SGK3: variants seen among roughly 807,000 people sequenced by gnomAD.
The protein encoded by SGK3 is serum/glucocorticoid regulated kinase family member 3, also known as serine/threonine-protein kinase Sgk3.
SGK3 carries 47 observed loss-of-function variants against 68.5 expected under a neutral mutation model. The ratio of observed to expected loss-of-function variants is 0.69; its 90% confidence interval spans 0.54 to 0.87. The LOEUF is 0.87. Ranked by LOEUF, SGK3 falls within the 40% of genes least tolerant of loss-of-function variation. The probability of loss-of-function intolerance (pLI) is 0.00; values close to 1 mark genes in which losing one functional copy is unlikely to be tolerated. For missense variants in SGK3, 479 were observed against 575.5 expected, an observed-to-expected ratio of 0.83 and a Z score of 1.72; for synonymous variants, 181 against 189.1, an observed-to-expected ratio of 0.96 and a Z score of 0.35.
Position 66,850,939 on chromosome 8 carries a change from C to G in SGK3, c.1320+19C>G. The G allele has an allele frequency of 6.3e-7, 1 of 1,586,288 alleles. No individual in the cohort carries two copies. The highest frequency in any genetic ancestry group is 8.6e-7 in the Non-Finnish European group (1 of 1,167,684). The stretch of plus-strand genomic sequence containing the variant: ...TAATGTGGTAAGTATATATCCAAAT[C>G]TTTCTTTCTAGAATCGTGAAACTTA... On this transcript the variant is annotated intron_variant, in intron 16 of 16. Transcript: ENST00000521198.
Position 66,859,585 on chromosome 8 carries a change from G to A in SGK3, c.*4G>A, listed in dbSNP as rs778518003. ...TTCAGAAGACTTATTTTTGTGAGCA[G>A]TTTGCCATTCAGAAACCATTGAGCA... On this transcript the variant is annotated 3_prime_UTR_variant, in exon 17 of 17. Coordinates refer to ENST00000521198, the MANE Select transcript of SGK3 (RefSeq NM_001033578.3). 1.9e-6 allele frequency: 3 copies of A among 1,605,642 alleles called. No individual in the cohort carries two copies. The South Asian group carries it at 3.3e-5, about 18-fold the overall frequency.
intron 1 of SGK3, among the ~76,000 whole-genome samples, chr8:66,751,045 A>G (rs1437852416): frequency 6.6e-6 from 1 of 151,388 alleles, no homozygotes; most frequent in East Asian, 1.9e-4. Flanking sequence ...TACGCCTGTA[A>G]TCCCAGCACT....
chr8:66,755,579 G>C (rs1805951242), intron 1 of SGK3, among the ~76,000 whole-genome samples: 1 of 151,814 alleles, frequency 6.6e-6, no homozygotes, highest in Non-Finnish European at 1.5e-5. Context: ...AATCCTTCCT[G>C]GTGGTCTTGC....
chr8:66,767,884 A>C (rs1806372793), intron 1 of SGK3: 2 of 1,267,424 alleles, frequency 1.6e-6, no homozygotes, highest in East Asian at 4.6e-5. Flanking sequence ...TGATATTGAA[A>C]CTTGAGATCT....
At position 66,793,825 on chromosome 8, in the gene SGK3, G is replaced by C. The variant is rs777299349; in HGVS notation, c.89G>C (p.Arg30Thr). ...SSDEHREKKKRFTVYKVLVSV... is the reference protein window; with the variant it reads ...SSDEHREKKKTFTVYKVLVSV... Reference sequence around the variant, plus strand: ...GATGAACACAGAGAGAAAAAGAAGAGGTTTACTGTAAGTATTTAACATAAA... The same window carrying C: ...GATGAACACAGAGAGAAAAAGAAGACGTTTACTGTAAGTATTTAACATAAA... Residue 30 changes from arginine to threonine, a missense_variant, in exon 2 of 17, where the codon AGG becomes ACG. Transcript: ENST00000521198. 6.2e-7 allele frequency: 1 copy of C among 1,611,880 alleles called. No homozygotes were observed. Among genetic ancestry groups the C allele is most frequent in the Admixed American group, 1.7e-5 (1 of 59,916 alleles).
chr8:66,811,099 C>T (rs962087279), intron 4 of SGK3, among the ~76,000 whole-genome samples: 2 of 152,160 alleles, frequency 1.3e-5, no homozygotes, highest in Non-Finnish European at 2.9e-5. Flanking sequence ...TCACTGCAAC[C>T]TCTGCCTCCC....
At chr8:66,843,199 C>T (rs991425789) in intron 13 of SGK3, among the ~76,000 whole-genome samples, 23 of 152,140 alleles carry the variant, frequency 1.5e-4, no homozygotes, top group Admixed American at 8.5e-4. Context: ...TCTACCTTCG[C>T]GATACTCTTA....
chr8:66,733,291 G>A (rs1190576235), intron 1 of SGK3, among the ~76,000 whole-genome samples: 1 of 152,156 alleles, frequency 6.6e-6, no homozygotes, highest in Admixed American at 6.5e-5. Flanking sequence ...TCTACTTCTG[G>A]GAGGGAAATT....
chr8:66,764,421 A>C (rs1298811690), intron 1 of SGK3, among the ~76,000 whole-genome samples: 1 of 152,132 alleles, frequency 6.6e-6, no homozygotes, highest in Non-Finnish European at 1.5e-5. Context: ...TCTCTAAATA[A>C]TAAAATTATA....
chr8:66,796,453 C>T (rs1335649404), intron 2 of SGK3, among the ~76,000 whole-genome samples: 1 of 149,308 alleles, frequency 6.7e-6, no homozygotes, highest in Non-Finnish European at 1.5e-5. Flanking sequence ...GCATGAGCCA[C>T]CACACCCAGC....
intron 10 of SGK3, among the ~76,000 whole-genome samples, chr8:66,838,278 G>A (rs113391528): frequency 0.13 from 19,774 of 151,984 alleles, 2,441 homozygotes; most frequent in African/African-American, 0.32. Flanking sequence ...GTTGGCCAGG[G>A]TGGTCTCAAA....
Position 66,793,791 on chromosome 8 carries a change from C to T in SGK3, c.55C>T (p.Pro19Ser). Reference sequence around the variant, plus strand: ...GGAAAGCTGCCCAAGTGTAAGCATTCCCAGCTCCGATGAACACAGAGAGAA... The same window carrying T: ...GGAAAGCTGCCCAAGTGTAAGCATTTCCAGCTCCGATGAACACAGAGAGAA... Reference protein sequence around the residue: ...YKESCPSVSIPSSDEHREKKK... With the variant: ...YKESCPSVSISSSDEHREKKK... The change falls in exon 2 of 17, where the codon CCC becomes TCC. Residue 19 changes from proline (P) to serine (S), a missense_variant. Physicochemically the swap from Pro to Ser is moderately conservative, Grantham distance 74. Transcript: ENST00000521198. 6.2e-7 allele frequency: 1 copy of T among 1,613,350 alleles called. No individual in the cohort carries two copies. Among genetic ancestry groups the T allele is most frequent in the Non-Finnish European group, 8.5e-7 (1 of 1,179,572 alleles).
At chr8:66,847,931 G>A (rs929325792) in intron 15 of SGK3, among the ~76,000 whole-genome samples, 3 of 143,634 alleles carry the variant, frequency 2.1e-5, no homozygotes, top group African/African-American at 7.8e-5. Flanking sequence ...GAATCTGCAT[G>A]TTTGTTTCAA....
At chr8:66,759,954 C>G (rs1470334298) in intron 1 of SGK3, among the ~76,000 whole-genome samples, 1 of 152,122 alleles carries the variant, frequency 6.6e-6, no homozygotes, top group Middle Eastern at 3.2e-3. Context: ...GGGAAGATCT[C>G]CTCTCAAGAT....
chr8:66,824,258 AAAT>A (rs1808965419), intron 6 of SGK3, among the ~76,000 whole-genome samples: 1 of 152,180 alleles, frequency 6.6e-6, no homozygotes, highest in African/African-American at 2.4e-5. Context: ...GATTTGTAAC[AAAT>A]AAGGCATAAG....
Position 66,840,354 on chromosome 8 carries a change from A to G in SGK3, c.891+107A>G, listed in dbSNP as rs1809750142. On this transcript the variant is annotated intron_variant, in intron 12 of 16. Transcript: ENST00000521198. Reference sequence around the variant, plus strand: ...TTCTGTACTGCGTTATTTTATTTATATAACATTCTCAAAATGACAAAACGG... The same window carrying G: ...TTCTGTACTGCGTTATTTTATTTATGTAACATTCTCAAAATGACAAAACGG... The G allele has an allele frequency of 8.1e-6, 9 of 1,117,874 alleles. No individual in the cohort carries two copies. In the South Asian group the frequency reaches 1.5e-4, roughly 19 times the overall value. The allele number at this position is 1,117,874 out of a possible 1,614,324, so 69.2% of individuals were successfully genotyped here. A position where few individuals can be genotyped will look rare whatever the true frequency, so the allele number is the denominator to read the frequency against.
chr8:66,816,007 A>AT (rs959556786), intron 5 of SGK3, among the ~76,000 whole-genome samples: 43 of 150,540 alleles, frequency 2.9e-4, no homozygotes, highest in African/African-American at 6.8e-4. Context: ...TTTAAACTTA[A>AT]TTTTTTTTTT....
chr8:66,833,702 T>G (rs973278748), intron 8 of SGK3, among the ~76,000 whole-genome samples: 3 of 152,234 alleles, frequency 2.0e-5, no homozygotes, highest in African/African-American at 4.8e-5. Context: ...TGTTTAGAAT[T>G]TTTTTTGAGA....
intron 1 of SGK3, among the ~76,000 whole-genome samples, chr8:66,719,794 T>A (rs1193326104): frequency 6.6e-6 from 1 of 152,226 alleles, no homozygotes; most frequent in Non-Finnish European, 1.5e-5. Context: ...AAGTAATACT[T>A]TTTTGGACAA....
Sources: allele counts gnomAD v4.1 joint callset (sites outside exome capture counted in the v4.1 genomes callset), GRCh38; gene constraint gnomAD v4.1.1; transcripts MANE v1.5; gene names NCBI Gene and HGNC (gene_info 2026-07-23, HGNC 2026-07-21).